EGFL7: variants seen among roughly 807,000 people sequenced by gnomAD.
EGFL7 encodes the protein epidermal growth factor-like protein 7.
A neutral mutation model predicts 37.1 loss-of-function variants in EGFL7; 48 were observed. The ratio of observed to expected loss-of-function variants is 1.29; its 90% CI spans 1.03 to 1.65. The LOEUF (loss-of-function observed/expected upper bound fraction) is 1.65, where lower values mean the gene tolerates loss of function less well. Ranked by LOEUF, EGFL7 falls within the 40% of genes most tolerant of loss-of-function variation. The pLI is 0.00. For synonymous variants in EGFL7, 180 were observed against 156.8 expected, an observed-to-expected ratio of 1.15 and a Z score of -1.10; for missense variants, 384 against 378.9, an observed-to-expected ratio of 1.01 and a Z score of -0.11.
rs760322909 is a variant in EGFL7, at chr9:136,672,164, G to A, written c.799+76G>A. ...GCCTAGAGGGGCTACCCAGGCTTGG[G>A]GGTCGGGGGCGACCAAAGGCCAAGG... is the stretch of plus-strand genomic sequence containing the variant. On this transcript the variant is annotated intron_variant, in intron 10 of 10. Transcript: ENST00000308874. 1,059 of 1,592,586 alleles carry A rather than the reference G, an allele frequency of 6.6e-4. No individual in the cohort carries two copies. Among genetic ancestry groups the A allele is most frequent in the Admixed American group, 1.1e-3 (60 of 56,992 alleles).
At chr9:136,664,606 C>T in intron 2 of EGFL7, 86 bp from the exon 3 acceptor site, 1 of 153,894 alleles carries the variant, frequency 6.5e-6, no homozygotes, top group Non-Finnish European at 1.4e-5. Flanking sequence ...GCACCGAAAG[C>T]TGGTCCCGGG....
chr9:136,671,027 TGGGGGGGGGGGGGGG>T lies in EGFL7; in HGVS notation c.636+14_636+28del. ...CCTGCTGGAGGAGGTGAGGCATTGG[TGGGGGGGGGGGGGGG>T]CAGGCAGTCCAGGGTGGACCTGCTG... On this transcript the variant is annotated intron_variant, in intron 9 of 10. Coordinates refer to ENST00000308874, the MANE Select transcript of EGFL7 (RefSeq NM_016215.5). 3.0e-6 allele frequency: 2 copies of T among 658,226 alleles called. No homozygotes were observed. Among genetic ancestry groups the T allele is most frequent in the East Asian group, 8.0e-5 (1 of 12,458 alleles). The allele number at this position is 658,226 out of a possible 1,614,324, so 40.8% of individuals were successfully genotyped here.
chr9:136,662,630 G>A (rs1025618034), upstream of EGFL7, among the ~76,000 whole-genome samples: 5 of 152,122 alleles, frequency 3.3e-5, no homozygotes, highest in Non-Finnish European at 7.4e-5. Context: ...CTGGGCTTGC[G>A]TCCTCCACCC....
chr9:136,661,526 C>T (rs1845146445), upstream of EGFL7, among the ~76,000 whole-genome samples: 1 of 152,192 alleles, frequency 6.6e-6, no homozygotes, highest in African/African-American at 2.4e-5. Context: ...CCAGCGGTGC[C>T]TGGGTGCCAG....
At chr9:136,659,297 G>A (rs1844997224), upstream of EGFL7, 1 of 152,296 alleles carries the variant, frequency 6.6e-6, no homozygotes, top group Non-Finnish European at 1.5e-5. Context: ...TCCTCTGATG[G>A]GAAGGTTCCA....
intron 6 of EGFL7, 24 bp from the exon 7 acceptor site, chr9:136,669,890 G>A (rs879570017): frequency 1.9e-6 from 3 of 1,558,700 alleles, no homozygotes; most frequent in Non-Finnish European, 1.7e-6. Context: ...AACTGAGCTG[G>A]TGACCAGCCT....
chr9:136,670,402 A>T (rs1588245676), intron 8 of EGFL7, 72 bp downstream of exon 8: 2 of 1,467,772 alleles, frequency 1.4e-6, no homozygotes, highest in Admixed American at 2.2e-5. Context: ...GCTGTTAGGC[A>T]TGGTGGGGGG....
chr9:136,668,101 T>A (rs921033230), intron 3 of EGFL7, 140 bp from the exon 4 acceptor site: 7 of 559,104 alleles, frequency 1.3e-5, no homozygotes, highest in Non-Finnish European at 2.2e-5. Flanking sequence ...GAGGAGAGAG[T>A]GGGCGCCACC....
rs1375056116 is a variant in EGFL7, at chr9:136,668,680, GC to G, written c.197+11del. The G allele has an allele frequency of 2.5e-6, 4 of 1,595,386 alleles. No individual in the cohort carries two copies. The South Asian group carries it at 3.3e-5, about 13-fold the overall frequency. The stretch of plus-strand genomic sequence containing the variant: ...GGGCCTGCAGCACCTACCGGTGAGT[GC>G]CCCACCACACCGAGCTCACCCAGCC... On this transcript the variant is annotated splice_region_variant and intron_variant, in intron 5 of 10. Transcript: ENST00000308874.
rs777854058 is a variant in EGFL7, at chr9:136,669,985, T to C, written c.385T>C (p.Trp129Arg). ...TGGCCGCTGCCGCTGCCCTGCAGGA[T>C]GGCGGGGTGACACTTGCCAGTCAGG... ...QPGRCRCPAG[W>R]RGDTCQSDVD... is the part of the protein sequence containing the mutation. The change falls in exon 7 of 11, where the codon TGG becomes CGG. Residue 129 changes from tryptophan to arginine, a missense_variant. By Grantham distance (101) the Trp-to-Arg change is moderately radical. Transcript: ENST00000308874. The C allele has an allele frequency of 6.2e-7, 1 of 1,601,088 alleles. No individual in the cohort carries two copies. Among genetic ancestry groups the C allele is most frequent in the Non-Finnish European group, 8.5e-7 (1 of 1,172,720 alleles).
At chr9:136,668,754 G>A in intron 5 of EGFL7, 81 bp downstream of exon 5, 1 of 1,239,524 alleles carries the variant, frequency 8.1e-7, no homozygotes, top group Non-Finnish European at 1.2e-6. Context: ...GGCGAGGCGG[G>A]GGTGAATCCT....
At position 136,668,652 on chromosome 9, in the gene EGFL7, A is replaced by T; in HGVS notation, c.176A>T (p.His59Leu). Residue 59 changes from histidine (H) to leucine (L), a missense_variant, in exon 5 of 11, where the codon CAC becomes CTC. Coordinates refer to ENST00000308874, the MANE Select transcript of EGFL7 (RefSeq NM_016215.5). ...YQPFLTTCDGHRACSTYRTIY... is the reference protein window; with the variant it reads ...YQPFLTTCDGLRACSTYRTIY... ...CCCTTCCTCACCACCTGCGACGGGC[A>T]CCGGGCCTGCAGCACCTACCGGTGA... is the stretch of plus-strand genomic sequence containing the variant. 2 of 1,603,754 alleles carry T rather than the reference A, an allele frequency of 1.2e-6. No homozygotes were observed. The highest frequency in any genetic ancestry group is 2.7e-5 in the African/African-American group (2 of 74,984).
At position 136,672,558 on chromosome 9, in the gene EGFL7, G is replaced by A; in HGVS notation, c.*272G>A. 1 of 586,254 alleles carries A rather than the reference G, an allele frequency of 1.7e-6. No individual in the cohort carries two copies. The highest frequency in any genetic ancestry group is 2.1e-5 in the South Asian group (1 of 48,774). The allele number at this position is 586,254 out of a possible 1,614,324, so 36.3% of individuals were successfully genotyped here. ...AGGCCAGGTGGGCCCTCAGCTGAGG[G>A]AAGGTACGAGCTCCCTGCTGGAGCC... On this transcript the variant is annotated 3_prime_UTR_variant, in exon 11 of 11. Transcript: ENST00000308874.
chr9:136,665,569 C>T (rs1845406888), intron 3 of EGFL7, among the ~76,000 whole-genome samples: 1 of 152,160 alleles, frequency 6.6e-6, no homozygotes, highest in African/African-American at 2.4e-5. Context: ...CCCAGGATTC[C>T]CGGAGGGGGT....
At chr9:136,670,427 C>T (rs189071466) in intron 8 of EGFL7, 97 bp downstream of exon 8, 100 of 1,398,990 alleles carry the variant, frequency 7.1e-5, no homozygotes, top group Middle Eastern at 2.4e-4. Flanking sequence ...GGAATCTGGG[C>T]GGAAGGCGGT....
At chr9:136,668,397 G>A (rs1229082903) in intron 4 of EGFL7, 35 bp downstream of exon 4, 7 of 1,547,548 alleles carry the variant, frequency 4.5e-6, no homozygotes, top group Non-Finnish European at 6.1e-6. Context: ...TGCTGGGGTG[G>A]GGGGACCGGG....
rs534574989 is a variant in EGFL7, at chr9:136,670,291, C to G, written c.532C>G (p.Pro178Ala). 6.2e-7 allele frequency: 1 copy of G among 1,603,568 alleles called. No homozygotes were observed. The highest frequency in any genetic ancestry group is 2.2e-5 in the East Asian group (1 of 44,562). ...GTCTGCAGACGGTACACTCTGTGTGCCCAAGGGAGGGCCCCCCAGGGTGGC... is the reference window on the plus strand; with the variant it reads ...GTCTGCAGACGGTACACTCTGTGTGGCCAAGGGAGGGCCCCCCAGGGTGGC... ...SLSADGTLCVPKGGPPRVAPN... is the reference protein window; with the variant it reads ...SLSADGTLCVAKGGPPRVAPN... Residue 178 changes from proline (P) to alanine (A), a missense_variant, in exon 8 of 11, where the codon CCC becomes GCC. Transcript: ENST00000308874.
rs539327074 is a variant in EGFL7, at chr9:136,670,548, C to T, written c.571+218C>T. On this transcript the variant is annotated intron_variant, in intron 8 of 10. Transcript: ENST00000308874. ...ATCAGCCAAGAAGGCAGAAGTGCCCCGTCCCGGGGTCCTGTCTGCATCCAG... is the reference window on the plus strand; with the variant it reads ...ATCAGCCAAGAAGGCAGAAGTGCCCTGTCCCGGGGTCCTGTCTGCATCCAG... 2.1e-4 allele frequency: 164 copies of T among 795,966 alleles called. No homozygotes were observed. The African/African-American group carries it at 2.2e-3, about 11-fold the overall frequency. The allele number at this position is 795,966 out of a possible 1,614,324, so 49.3% of individuals were successfully genotyped here. A position where few individuals can be genotyped will look rare whatever the true frequency, so the allele number is the denominator to read the frequency against.
rs761065619 is a variant in EGFL7, at chr9:136,668,270, G to T, written c.-13G>T. 1 of 1,598,728 alleles carries T rather than the reference G, an allele frequency of 6.3e-7. No individual in the cohort carries two copies. The highest frequency in any genetic ancestry group is 1.3e-5 in the African/African-American group (1 of 74,652). On this transcript the variant is annotated 5_prime_UTR_variant, in exon 4 of 11. The change creates a premature stop within an existing upstream ORF in the 5' untranslated region. Transcript: ENST00000308874. The stretch of plus-strand genomic sequence containing the variant: ...CCCAGAGGAGAAGGCCACCCCGCCT[G>T]GAGGCACAGGCCATGAGGGGCTCTC...
Sources: gnomAD v4.1 joint callset for allele counts (sites outside exome capture counted in the v4.1 genomes callset) on GRCh38, gnomAD v4.1.1 for gene constraint, MANE v1.5 for transcripts, NCBI Gene and HGNC (gene_info 2026-07-23, HGNC 2026-07-21) for gene names.